WBP4: variants seen among roughly 807,000 people sequenced by gnomAD.
WBP4 encodes the protein WW domain-binding protein 4.
In WBP4, 37 loss-of-function variants were observed where a neutral mutation model predicts 55.4. That is an observed-to-expected ratio of 0.67 (90% CI 0.51 to 0.88). The LOEUF is 0.88. WBP4 is among the 40% of genes least tolerant of loss of function. The pLI is 0.00. For missense variants in WBP4, 398 were observed against 420.8 expected (o/e 0.95, Z 0.47); for synonymous variants, 142 against 140.2 (o/e 1.01, Z -0.09).
chr13:41,067,850 A>G (rs1484318955), intron 4 of WBP4, among the ~76,000 whole-genome samples: 1 of 151,980 alleles, frequency 6.6e-6, no homozygotes, highest in Non-Finnish European at 1.5e-5. Flanking sequence ...TTTTTGTCAT[A>G]CAGAATATCT....
chr13:41,062,603 A>C (rs766049211), intron 1 of WBP4, 41 bp from the exon 2 acceptor site: 2 of 1,575,010 alleles, frequency 1.3e-6, no homozygotes, highest in African/African-American at 2.7e-5. Flanking sequence ...AACCTTTTTT[A>C]AGTTTTACAT....
chr13:41,070,284 G>T lies in WBP4; in HGVS notation c.440-1243G>T, dbSNP rs80014176. ...CATTGTATTCCTGGCGCCTAACATA[G>T]TGCCTAGCACAGTGTAGACACTCTG... On this transcript the variant is annotated intron_variant, in intron 5 of 9. Coordinates refer to ENST00000379487, the MANE Select transcript of WBP4 (RefSeq NM_007187.5). Among the ~76,000 whole-genome samples the T allele has an allele frequency of 2.0e-4, 31 of 152,200 alleles. No individual in the cohort carries two copies. The East Asian group carries it at 5.6e-3, about 27-fold the overall frequency.
intron 8 of WBP4, among the ~76,000 whole-genome samples, chr13:41,080,142 G>A (rs935018174): frequency 3.9e-5 from 6 of 152,094 alleles, no homozygotes; most frequent in African/African-American, 1.4e-4. Flanking sequence ...TACACTAAAA[G>A]CCCGTACTTC....
chr13:41,072,541 A>G (rs548027848), intron 6 of WBP4, among the ~76,000 whole-genome samples: 83 of 152,334 alleles, frequency 5.4e-4, no homozygotes, highest in African/African-American at 1.9e-3. Flanking sequence ...TTTCAACAAC[A>G]GCACCAAAGG....
At chr13:41,076,619 T>A (rs1356257691) in intron 8 of WBP4, among the ~76,000 whole-genome samples, 1 of 152,104 alleles carries the variant, frequency 6.6e-6, no homozygotes, top group Non-Finnish European at 1.5e-5. Context: ...CCTTAAGTCT[T>A]CTGATAGAAC....
chr13:41,062,036 T>A, intron 1 of WBP4: 2 of 977,440 alleles, frequency 2.0e-6, no homozygotes, highest in African/African-American at 3.6e-5. Flanking sequence ...ATTGTGAAAC[T>A]AGGGCTGGGC....
At chr13:41,067,538 T>C (rs1210794715) in intron 4 of WBP4, among the ~76,000 whole-genome samples, 1 of 151,998 alleles carries the variant, frequency 6.6e-6, no homozygotes, top group Non-Finnish European at 1.5e-5. Flanking sequence ...AATAAAAAAT[T>C]AACTGGGCTT....
At chr13:41,079,865 A>G (rs747504661) in intron 8 of WBP4, among the ~76,000 whole-genome samples, 4 of 152,254 alleles carry the variant, frequency 2.6e-5, no homozygotes, top group Admixed American at 6.5e-5. Flanking sequence ...ATACACACGC[A>G]CACACACCAT....
intron 1 of WBP4, 66 bp downstream of exon 1, chr13:41,061,741 G>C: frequency 6.2e-7 from 1 of 1,608,752 alleles, no homozygotes; most frequent in Non-Finnish European, 8.5e-7. Context: ...TCTCGCCCGG[G>C]TCTTCCCCTC....
intron 4 of WBP4, among the ~76,000 whole-genome samples, chr13:41,067,540 A>G (rs1350493705): frequency 6.6e-6 from 1 of 152,038 alleles, no homozygotes; most frequent in African/African-American, 2.4e-5. Flanking sequence ...TAAAAAATTA[A>G]CTGGGCTTGG....
In WBP4 at chr13:41,062,230, A is replaced by G. The variant is rs1051936344; in HGVS notation, c.3-414A>G. The stretch of plus-strand genomic sequence containing the variant: ...TCTGGGAGGAACTACAGTTTTCCCC[A>G]GAGTAGTCTTGTACGTTGTTCTCTT... On this transcript the variant is annotated intron_variant, in intron 1 of 9. Coordinates refer to ENST00000379487, the MANE Select transcript of WBP4 (RefSeq NM_007187.5). 3.1e-6 allele frequency: 3 copies of G among 977,192 alleles called. No individual in the cohort carries two copies. The African/African-American group carries it at 5.5e-5, about 18-fold the overall frequency. 60.5% of individuals were successfully genotyped at this position (977,192 alleles called of 1,614,324 possible).
Position 41,072,765 on chromosome 13 carries a change from T to G in WBP4, c.487-17T>G, listed in dbSNP as rs774844842. 9.3e-6 allele frequency: 15 copies of G among 1,609,574 alleles called. No homozygotes were observed. The highest frequency in any genetic ancestry group is 6.8e-5 in the Admixed American group (4 of 59,010). On this transcript the variant is annotated splice_polypyrimidine_tract_variant and intron_variant, in intron 6 of 9. Transcript: ENST00000379487. Reference sequence around the variant, plus strand: ...TGGTTATCCTTAGTTTATGCTGGGTTTTTTTCCTCCTATTAGACAGCAGTG... The same window carrying G: ...TGGTTATCCTTAGTTTATGCTGGGTGTTTTTCCTCCTATTAGACAGCAGTG...
At chr13:41,071,116 C>T (rs937084466) in intron 5 of WBP4, among the ~76,000 whole-genome samples, 1 of 152,218 alleles carries the variant, frequency 6.6e-6, no homozygotes, top group Admixed American at 6.5e-5. Flanking sequence ...ATATACTCTT[C>T]CTCTCCATGA....
At chr13:41,063,197 T>C (rs949777267) in intron 2 of WBP4, among the ~76,000 whole-genome samples, 18 of 152,226 alleles carry the variant, frequency 1.2e-4, no homozygotes, top group Non-Finnish European at 2.6e-4. Context: ...GTAACAACTC[T>C]GTTAGGTATG....
intron 7 of WBP4, among the ~76,000 whole-genome samples, chr13:41,073,182 T>TA (rs1878323615): frequency 6.6e-6 from 1 of 152,204 alleles, no homozygotes; most frequent in African/African-American, 2.4e-5. Flanking sequence ...GAAGGTAGCT[T>TA]AGAGATCATC....
At chr13:41,075,910 C>A in intron 7 of WBP4, 134 bp from the exon 8 acceptor site, 1 of 987,986 alleles carries the variant, frequency 1.0e-6, no homozygotes, top group Non-Finnish European at 1.5e-6. Flanking sequence ...ACTCTGTTAT[C>A]TTCTTGATCA....
intron 5 of WBP4, 138 bp downstream of exon 5, chr13:41,068,875 G>A: frequency 1.1e-6 from 1 of 944,978 alleles, no homozygotes; most frequent in Admixed American, 3.5e-5. Context: ...TGCCCCAAAG[G>A]TAAGAAAACT....
intron 8 of WBP4, among the ~76,000 whole-genome samples, chr13:41,077,055 A>G (rs1878525609): frequency 1.3e-5 from 2 of 152,218 alleles, no homozygotes; most frequent in Admixed American, 1.3e-4. Context: ...CTGAACATAG[A>G]TGCAAAAACC....
chr13:41,076,301 A>G (rs942822149), intron 8 of WBP4, 64 bp downstream of exon 8: 31 of 946,330 alleles, frequency 3.3e-5, no homozygotes, highest in Non-Finnish European at 4.2e-5. Flanking sequence ...TTTTTTTGAG[A>G]TGGAGTCTTG....
Sources: gnomAD v4.1 joint callset for allele counts (sites outside exome capture counted in the v4.1 genomes callset) on GRCh38, gnomAD v4.1.1 for gene constraint, MANE v1.5 for transcripts, NCBI Gene and HGNC (gene_info 2026-07-23, HGNC 2026-07-21) for gene names.